Variants in IRAK2 observed in about 807,000 individuals in gnomAD.
IRAK2 encodes the protein interleukin-1 receptor-associated kinase-like 2.
A neutral mutation model predicts 72.0 loss-of-function variants in IRAK2; 57 were observed. The ratio of observed to expected loss-of-function variants is 0.79; its 90% confidence interval spans 0.64 to 0.99. IRAK2 has a LOEUF of 0.99. IRAK2 is among the 50% of genes least tolerant of loss of function. IRAK2 has a pLI of 0.00. For synonymous variants in IRAK2, 293 were observed against 312.7 expected, an observed-to-expected ratio of 0.94 and a Z score of 0.67; for missense variants, 790 against 794.4, an observed-to-expected ratio of 0.99 and a Z score of 0.07.
At chr3:10,210,663 G>A (rs940860871) in intron 4 of IRAK2, among the ~76,000 whole-genome samples, 10 of 152,080 alleles carry the variant, frequency 6.6e-5, no homozygotes, top group African/African-American at 2.4e-4. Context: ...GAGGTGGGAG[G>A]ATCGCTTGAG....
At position 10,200,395 on chromosome 3, in the gene IRAK2, C is replaced by G. The variant is rs572408010; in HGVS notation, c.304C>G (p.Pro102Ala). 4 of 1,599,058 alleles carry G rather than the reference C, an allele frequency of 2.5e-6. No homozygotes were observed. In the South Asian group the frequency reaches 4.4e-5, roughly 18 times the overall value. The change falls in exon 3 of 13, where the codon CCC becomes GCC. Residue 102 changes from proline to alanine, a missense_variant. Physicochemically the swap from Pro to Ala is conservative, Grantham distance 27 (BLOSUM62 -1). Transcript: ENST00000256458. ...GAAACCGGCTCCTGAAATCAGGTGT[C>G]CCATTCCAGCCTTCCCTGACTCTGT... The part of the protein sequence containing the change: ...NWKPAPEIRC[P>A]IPAFPDSVKP...
intron 2 of IRAK2, among the ~76,000 whole-genome samples, chr3:10,189,401 G>A (rs897079443): frequency 1.8e-4 from 28 of 152,228 alleles, no homozygotes; most frequent in African/African-American, 6.5e-4. Flanking sequence ...GGAGAGTGAA[G>A]GGAAGACGTT....
At chr3:10,183,609 T>C (rs1696997637) in intron 2 of IRAK2, among the ~76,000 whole-genome samples, 1 of 152,060 alleles carries the variant, frequency 6.6e-6, no homozygotes, top group Non-Finnish European at 1.5e-5. Flanking sequence ...TAGTCCCAGC[T>C]ACTCAGGAGG....
intron 1 of IRAK2, among the ~76,000 whole-genome samples, chr3:10,171,439 G>T (rs1336899340): frequency 6.6e-6 from 1 of 152,036 alleles, no homozygotes; most frequent in Non-Finnish European, 1.5e-5. Flanking sequence ...CCCAGGGAGG[G>T]GTGTGGGCAT....
intron 3 of IRAK2, among the ~76,000 whole-genome samples, chr3:10,205,209 G>A (rs1697417074): frequency 6.6e-6 from 1 of 152,092 alleles, no homozygotes; most frequent in Admixed American, 6.6e-5. Flanking sequence ...GACATACAGT[G>A]GGGGCCTTTA....
chr3:10,198,539 C>T (rs1697307952), intron 2 of IRAK2, among the ~76,000 whole-genome samples: 1 of 152,212 alleles, frequency 6.6e-6, no homozygotes, highest in South Asian at 2.1e-4. Flanking sequence ...TGACACAAGT[C>T]ATTTCACTTA....
At position 10,197,106 on chromosome 3, in the gene IRAK2, G is replaced by C. The variant is rs535011925; in HGVS notation, c.278-3263G>C. On this transcript the variant is annotated intron_variant, in intron 2 of 12. Coordinates refer to ENST00000256458, the MANE Select transcript of IRAK2 (RefSeq NM_001570.4). ...CCACAATATAAAACAGGCCAGGCGC[G>C]GTGGCTCATGTCTGTAATCCCAGCA... Among the ~76,000 whole-genome samples the C allele has an allele frequency of 4.6e-5, 7 of 152,106 alleles. No individual in the cohort carries two copies. The East Asian group carries it at 5.8e-4, about 13-fold the overall frequency.
rs1049685080 is a variant in IRAK2 at position 10,182,443 on chromosome 3, C to T, written c.277+4423C>T. ...GACTACAGGTGCCCGCCACCACGCCCGGCTAATTTTTTGTATTTTAGTTAG... is the reference window on the plus strand; with the variant it reads ...GACTACAGGTGCCCGCCACCACGCCTGGCTAATTTTTTGTATTTTAGTTAG... On this transcript the variant is annotated intron_variant, in intron 2 of 12. Coordinates refer to ENST00000256458, the MANE Select transcript of IRAK2 (RefSeq NM_001570.4). 3.9e-5 allele frequency among the ~76,000 whole-genome samples: 6 copies of T among 151,942 alleles called. No individual in the cohort carries two copies. The South Asian group carries it at 6.2e-4, about 16-fold the overall frequency.
At chr3:10,166,677 T>C (rs1696693721) in intron 1 of IRAK2, among the ~76,000 whole-genome samples, 1 of 152,192 alleles carries the variant, frequency 6.6e-6, no homozygotes, top group South Asian at 2.1e-4. Flanking sequence ...GACAGTCTCA[T>C]TCTGTGGCCC....
chr3:10,230,822 C>T (rs868466941), intron 10 of IRAK2, among the ~76,000 whole-genome samples: 2 of 151,742 alleles, frequency 1.3e-5, no homozygotes, highest in South Asian at 2.1e-4. Flanking sequence ...GTGCAATCTC[C>T]GCTCACTGCA....
chr3:10,224,718 ACC>A, intron 9 of IRAK2, among the ~76,000 whole-genome samples: 1 of 48,352 alleles, frequency 2.1e-5, no homozygotes, highest in Admixed American at 2.0e-4. Context: ...CCACCCTCCC[ACC>A]CACATACCCA....
At chr3:10,180,481 GGAA>G (rs1202473069) in intron 2 of IRAK2, among the ~76,000 whole-genome samples, 1 of 152,118 alleles carries the variant, frequency 6.6e-6, no homozygotes, top group African/African-American at 2.4e-5. Context: ...TAGAGGAATA[GGAA>G]GAAGACAGCC....
chr3:10,200,397 C>G lies in IRAK2; in HGVS notation c.306C>G (p.Pro102=). The change falls in exon 3 of 13, where the codon CCC becomes CCG. Residue 102 remains proline (P), a synonymous_variant. Transcript: ENST00000256458. The part of the protein sequence containing the change: ...NWKPAPEIRC[P]IPAFPDSVKP... ...AACCGGCTCCTGAAATCAGGTGTCC[C>G]ATTCCAGCCTTCCCTGACTCTGTGA... 4 of 1,599,672 alleles carry G rather than the reference C, an allele frequency of 2.5e-6. No homozygotes were observed. The highest frequency in any genetic ancestry group is 3.4e-6 in the Non-Finnish European group (4 of 1,170,274).
intron 12 of IRAK2, among the ~76,000 whole-genome samples, chr3:10,239,728 A>G (rs1438806854): frequency 6.6e-6 from 1 of 152,172 alleles, no homozygotes; most frequent in South Asian, 2.1e-4. Context: ...GTCCGTCTCA[A>G]AAAAACAAAA....
At chr3:10,183,412 C>T (rs1237597245) in intron 2 of IRAK2, among the ~76,000 whole-genome samples, 2 of 152,184 alleles carry the variant, frequency 1.3e-5, no homozygotes, top group Non-Finnish European at 2.9e-5. Flanking sequence ...TTGTCAAACA[C>T]TGAATACTCT....
At chr3:10,240,119 C>G (rs1442532505) in intron 12 of IRAK2, among the ~76,000 whole-genome samples, 1 of 149,002 alleles carries the variant, frequency 6.7e-6, no homozygotes, top group Non-Finnish European at 1.5e-5. Context: ...TTCACTCCAG[C>G]CCTGAGTGAC....
At chr3:10,213,683 C>T in intron 6 of IRAK2, 135 bp downstream of exon 6, 1 of 675,482 alleles carries the variant, frequency 1.5e-6, no homozygotes, top group East Asian at 2.7e-5. Flanking sequence ...AATGTAGCTA[C>T]TATTATCACA....
At chr3:10,171,427 C>G (rs1187874927) in intron 1 of IRAK2, among the ~76,000 whole-genome samples, 1 of 152,098 alleles carries the variant, frequency 6.6e-6, no homozygotes, top group African/African-American at 2.4e-5. Context: ...CCTCATCCCC[C>G]ACCCAGGGAG....
intron 12 of IRAK2, among the ~76,000 whole-genome samples, chr3:10,241,535 G>A (rs1335190325): frequency 5.6e-5 from 8 of 142,002 alleles, no homozygotes; most frequent in Admixed American, 1.4e-4. Flanking sequence ...CTCCAGCCTG[G>A]GCAACAGAGT....
Sources: gnomAD v4.1 joint callset for allele counts (sites outside exome capture counted in the v4.1 genomes callset) on GRCh38, gnomAD v4.1.1 for gene constraint, MANE v1.5 for transcripts, NCBI Gene and HGNC (gene_info 2026-07-23, HGNC 2026-07-21) for gene names.